Variants in CDH13 observed in about 807,000 individuals in gnomAD.
CDH13 encodes the protein cadherin-13.
CDH13 carries 24 observed loss-of-function variants against 63.8 expected under a neutral mutation model. The observed-to-expected ratio is 0.38, with a 90% CI of 0.27 to 0.53. The LOEUF is 0.53. Ranked by LOEUF, CDH13 falls within the 20% of genes least tolerant of loss-of-function variation. The pLI is 0.85. For missense variants in CDH13, 1,049 were observed against 903.1 expected (o/e 1.16, Z -2.07); for synonymous variants, 503 against 355.3 (o/e 1.42, Z -4.67).
At chr16:82,651,992 G>T (rs544636691) in intron 1 of CDH13, among the ~76,000 whole-genome samples, 1 of 152,214 alleles carries the variant, frequency 6.6e-6, no homozygotes, top group Non-Finnish European at 1.5e-5. Flanking sequence ...GGAGCTTTTC[G>T]TCTTCTTTAA....
intron 5 of CDH13, among the ~76,000 whole-genome samples, chr16:83,300,828 T>C (rs556653927): frequency 2.0e-5 from 3 of 152,338 alleles, no homozygotes; most frequent in Non-Finnish European, 4.4e-5. Context: ...TTTTACTGTG[T>C]ATGTGATGTT....
chr16:83,484,091 C>G (rs17758985), intron 6 of CDH13, among the ~76,000 whole-genome samples: 6 of 152,192 alleles, frequency 3.9e-5, no homozygotes, highest in South Asian at 4.1e-4. Flanking sequence ...CTGAGACTGC[C>G]TAACAAATCA....
chr16:82,673,190 C>A (rs577527519), intron 1 of CDH13, among the ~76,000 whole-genome samples: 1 of 151,708 alleles, frequency 6.6e-6, no homozygotes, highest in Admixed American at 6.6e-5. Context: ...TTCGACGAAG[C>A]CCCGGGTAGG....
intron 1 of CDH13, among the ~76,000 whole-genome samples, chr16:82,803,309 A>G (rs1005363305): frequency 3.3e-5 from 5 of 152,178 alleles, no homozygotes; most frequent in African/African-American, 1.2e-4. Context: ...GCAATTATAT[A>G]TTTTTGGAAA....
intron 4 of CDH13, among the ~76,000 whole-genome samples, chr16:83,147,993 G>T (rs2036821854): frequency 6.6e-6 from 1 of 152,160 alleles, no homozygotes; most frequent in Non-Finnish European, 1.5e-5. Flanking sequence ...GAGTACAGTG[G>T]TACGATGTTT....
At position 83,771,460 on chromosome 16, in the gene CDH13, C is replaced by A. The variant is rs150587588; in HGVS notation, c.1682-8508C>A. Among the ~76,000 whole-genome samples the A allele has an allele frequency of 4.6e-5, 7 of 152,258 alleles. No homozygotes were observed. In the East Asian group the frequency reaches 1.2e-3, roughly 25 times the overall value. On this transcript the variant is annotated intron_variant, in intron 11 of 13. Transcript: ENST00000567109. Reference sequence around the variant, plus strand: ...ACAAGTTGTCAGTGCTGAGTGGGAACGACAAAGCCAGAAACAAGGGCAAGC... The same window carrying A: ...ACAAGTTGTCAGTGCTGAGTGGGAAAGACAAAGCCAGAAACAAGGGCAAGC...
chr16:83,611,149 T>C (rs557671760), intron 8 of CDH13, among the ~76,000 whole-genome samples: 17 of 152,268 alleles, frequency 1.1e-4, no homozygotes, highest in Admixed American at 5.2e-4. Context: ...GTTATTAGTC[T>C]TTCTCTTATC....
At chr16:83,244,949 A>G (rs1904840620) in intron 5 of CDH13, among the ~76,000 whole-genome samples, 1 of 152,106 alleles carries the variant, frequency 6.6e-6, no homozygotes, top group Admixed American at 6.6e-5. Context: ...AGCATAAGCC[A>G]TATCTATTTG....
intron 3 of CDH13, among the ~76,000 whole-genome samples, chr16:83,114,091 C>T (rs193185002): frequency 6.6e-6 from 1 of 152,258 alleles, no homozygotes; most frequent in East Asian, 1.9e-4. Context: ...TTGGGCAAAG[C>T]AGTTTATTTT....
intron 7 of CDH13, among the ~76,000 whole-genome samples, chr16:83,563,274 CT>C (rs2075739546): frequency 6.6e-6 from 1 of 152,216 alleles, no homozygotes; most frequent in Admixed American, 6.5e-5. Flanking sequence ...AGATTATTAA[CT>C]CGGAGTGAAT....
At chr16:82,684,451 G>C (rs1351559706) in intron 1 of CDH13, among the ~76,000 whole-genome samples, 1 of 152,128 alleles carries the variant, frequency 6.6e-6, no homozygotes, top group Non-Finnish European at 1.5e-5. Flanking sequence ...AGATTCTAGA[G>C]CTCATCAGGA....
chr16:83,386,391 G>A (rs528537704), intron 6 of CDH13, among the ~76,000 whole-genome samples: 63 of 152,312 alleles, frequency 4.1e-4, no homozygotes, highest in African/African-American at 1.5e-3. Flanking sequence ...CACTGACCCA[G>A]CTTTCTTCCC....
intron 2 of CDH13, among the ~76,000 whole-genome samples, chr16:82,870,635 A>T (rs988497646): frequency 2.0e-5 from 3 of 152,136 alleles, no homozygotes; most frequent in Non-Finnish European, 4.4e-5. Context: ...AATAAGATGA[A>T]ATTGGAATGT....
intron 3 of CDH13, among the ~76,000 whole-genome samples, chr16:83,097,200 A>G (rs951739197): frequency 2.0e-5 from 3 of 152,216 alleles, no homozygotes; most frequent in Non-Finnish European, 2.9e-5. Context: ...AGTCTAACTG[A>G]TATGAAACAT....
At chr16:82,983,581 G>T (rs1910563418) in intron 2 of CDH13, among the ~76,000 whole-genome samples, 1 of 152,200 alleles carries the variant, frequency 6.6e-6, no homozygotes, top group South Asian at 2.1e-4. Flanking sequence ...GGAGGAAAAT[G>T]AGATGTTTTA....
At chr16:82,852,931 C>A (rs1336761567) in intron 1 of CDH13, among the ~76,000 whole-genome samples, 1 of 152,110 alleles carries the variant, frequency 6.6e-6, no homozygotes, top group African/African-American at 2.4e-5. Context: ...AAGCAAACTC[C>A]AAAGTTGGGT....
intron 4 of CDH13, among the ~76,000 whole-genome samples, chr16:83,184,939 T>G (rs976335038): frequency 2.0e-5 from 3 of 151,988 alleles, no homozygotes; most frequent in African/African-American, 4.8e-5. Context: ...CTTATTTTTT[T>G]TCTATTTCTC....
At chr16:83,736,945 T>C (rs977394849) in intron 10 of CDH13, among the ~76,000 whole-genome samples, 4 of 152,202 alleles carry the variant, frequency 2.6e-5, no homozygotes, top group Non-Finnish European at 4.4e-5. Context: ...GTGCAGTCCC[T>C]GGCAAGTAGC....
chr16:83,260,351 G>T (rs949616166), intron 5 of CDH13, among the ~76,000 whole-genome samples: 1 of 152,156 alleles, frequency 6.6e-6, no homozygotes, highest in Non-Finnish European at 1.5e-5. Context: ...TAAGTGGAGG[G>T]ACAGGAATGA....
Sources: allele counts gnomAD v4.1 joint callset (sites outside exome capture counted in the v4.1 genomes callset), GRCh38; gene constraint gnomAD v4.1.1; transcripts MANE v1.5; gene names NCBI Gene and HGNC (gene_info 2026-07-23, HGNC 2026-07-21).